ALPK1: variants seen among roughly 807,000 people sequenced by gnomAD.
The protein encoded by ALPK1 is alpha kinase 1.
ALPK1 carries 110 observed loss-of-function variants against 120.6 expected under a neutral mutation model. The observed-to-expected ratio is 0.91, with a 90% CI of 0.78 to 1.07. ALPK1 has a LOEUF of 1.07. Among genes scored for constraint, ALPK1 ranks in the 50% least tolerant of loss-of-function variants. The pLI, the probability that ALPK1 is intolerant of heterozygous loss-of-function variation, is 0.00. For missense variants in ALPK1, 1,498 were observed against 1,483.9 expected, an observed-to-expected ratio of 1.01 and a Z score of -0.16; for synonymous variants, 582 against 560.3, an observed-to-expected ratio of 1.04 and a Z score of -0.55.
At chr4:112,366,439 T>C (rs1239907256) in intron 2 of ALPK1, among the ~76,000 whole-genome samples, 1 of 151,512 alleles carries the variant, frequency 6.6e-6, no homozygotes, top group Non-Finnish European at 1.5e-5. Flanking sequence ...AACAAACATA[T>C]GGAAAAAAAA....
intron 3 of ALPK1, among the ~76,000 whole-genome samples, chr4:112,381,493 A>G (rs977165701): frequency 1.3e-5 from 2 of 152,196 alleles, no homozygotes; most frequent in African/African-American, 4.8e-5. Flanking sequence ...GGGTCCATAT[A>G]TATATAATCC....
At chr4:112,324,015 AGCC>A (rs1223019282) in intron 2 of ALPK1, among the ~76,000 whole-genome samples, 1 of 152,140 alleles carries the variant, frequency 6.6e-6, no homozygotes, top group African/African-American at 2.4e-5. Flanking sequence ...GGGCTTAGGG[AGCC>A]CACTGCTTTT....
chr4:112,318,134 C>T (rs1309562718), intron 2 of ALPK1, among the ~76,000 whole-genome samples: 1 of 152,184 alleles, frequency 6.6e-6, no homozygotes, highest in Non-Finnish European at 1.5e-5. Context: ...TATATACTTA[C>T]ACTACTTTTG....
chr4:112,302,617 C>T (rs1345699369), intron 1 of ALPK1: 6 of 152,304 alleles, frequency 3.9e-5, no homozygotes, highest in African/African-American at 1.4e-4. Context: ...GCAAGGCAAA[C>T]CAATCCTTAC....
intron 5 of ALPK1, among the ~76,000 whole-genome samples, chr4:112,417,513 A>C (rs577046615): frequency 1.3e-5 from 2 of 152,222 alleles, no homozygotes; most frequent in South Asian, 4.2e-4. Flanking sequence ...GGGGGACACG[A>C]TCTCACTCTG....
chr4:112,341,621 C>T (rs17528404), intron 2 of ALPK1, among the ~76,000 whole-genome samples: 28,250 of 151,998 alleles, frequency 0.19, 3,101 homozygotes, highest in Middle Eastern at 0.3. Flanking sequence ...CCTTTTACGT[C>T]CAATAATGAT....
At chr4:112,421,127 C>T (rs1175879411) in intron 5 of ALPK1, among the ~76,000 whole-genome samples, 3 of 152,102 alleles carry the variant, frequency 2.0e-5, no homozygotes, top group Non-Finnish European at 4.4e-5. Flanking sequence ...CCACCGTGCC[C>T]GGCCCATAAA....
intron 1 of ALPK1, among the ~76,000 whole-genome samples, chr4:112,299,122 G>C (rs922337292): frequency 1.3e-5 from 2 of 151,826 alleles, no homozygotes; most frequent in African/African-American, 4.8e-5. Flanking sequence ...CTCTCTATAT[G>C]GGGGAGTCTT....
At chr4:112,329,083 C>T (rs768370221) in intron 2 of ALPK1, among the ~76,000 whole-genome samples, 2 of 152,144 alleles carry the variant, frequency 1.3e-5, no homozygotes, top group African/African-American at 2.4e-5. Context: ...TTACCCTTCA[C>T]ATTGTGAAGC....
intron 5 of ALPK1, chr4:112,414,378 G>A (rs971431589): frequency 3.3e-5 from 15 of 449,074 alleles, no homozygotes; most frequent in South Asian, 1.9e-4. Flanking sequence ...AGGCCGAAGC[G>A]GGTGGATCAC....
chr4:112,334,590 G>T (rs1482590875), intron 2 of ALPK1, among the ~76,000 whole-genome samples: 1 of 152,000 alleles, frequency 6.6e-6, no homozygotes, highest in Non-Finnish European at 1.5e-5. Flanking sequence ...ATTTTAAGGT[G>T]GTTTTAAAGT....
chr4:112,375,260 G>C (rs987458127), intron 2 of ALPK1, among the ~76,000 whole-genome samples: 1 of 149,712 alleles, frequency 6.7e-6, no homozygotes, highest in Non-Finnish European at 1.5e-5. Context: ...GCTCACTCCA[G>C]CCTCAATCTC....
chr4:112,401,792 G>A (rs1036126613), intron 4 of ALPK1, among the ~76,000 whole-genome samples: 8 of 152,188 alleles, frequency 5.3e-5, no homozygotes, highest in African/African-American at 1.9e-4. Context: ...GAGTAAGGGC[G>A]AGATAATCCA....
intron 1 of ALPK1, chr4:112,302,281 G>C (rs547359326): frequency 1.3e-5 from 2 of 152,240 alleles, no homozygotes; most frequent in East Asian, 3.9e-4. Context: ...AAGCCTAAAG[G>C]CTTCTGGAGA....
At chr4:112,364,876 T>C (rs1397954923) in intron 2 of ALPK1, among the ~76,000 whole-genome samples, 2 of 152,192 alleles carry the variant, frequency 1.3e-5, no homozygotes, top group Non-Finnish European at 2.9e-5. Flanking sequence ...GTGGGTTTCA[T>C]ACCAGGGATG....
chr4:112,387,705 A>G lies in ALPK1; in HGVS notation c.276+5153A>G, dbSNP rs573130252. Among the ~76,000 whole-genome samples the G allele has an allele frequency of 6.6e-5, 10 of 152,266 alleles. No individual in the cohort carries two copies. The East Asian group carries it at 1.2e-3, about 18-fold the overall frequency. On this transcript the variant is annotated intron_variant, in intron 4 of 15. Transcript: ENST00000650871. ...ATAATAATAATAATAATAAATGTTG[A>G]GTTGTTTCTTTATGCTATTTTGTGG...
At chr4:112,316,242 T>C (rs993487064) in intron 2 of ALPK1, 1 of 152,230 alleles carries the variant, frequency 6.6e-6, no homozygotes, top group South Asian at 2.1e-4. Context: ...CTCCTCTCTG[T>C]GTCTATCAGT....
chr4:112,341,696 A>G (rs1460860204), intron 2 of ALPK1, among the ~76,000 whole-genome samples: 1 of 152,176 alleles, frequency 6.6e-6, no homozygotes, highest in East Asian at 1.9e-4. Flanking sequence ...CCAACTGGTC[A>G]CTTCTGAGGT....
intron 5 of ALPK1, chr4:112,415,262 T>C (rs1363492170): frequency 3.3e-5 from 5 of 152,178 alleles, no homozygotes; most frequent in Non-Finnish European, 7.3e-5. Context: ...TGCAAAACTA[T>C]ACTCTAGAGA....
Sources: gnomAD v4.1 joint callset for allele counts (sites outside exome capture counted in the v4.1 genomes callset) on GRCh38, gnomAD v4.1.1 for gene constraint, MANE v1.5 for transcripts, NCBI Gene and HGNC (gene_info 2026-07-23, HGNC 2026-07-21) for gene names.